The following TENM4 variants were observed in gnomAD, a reference collection of about 807,000 sequenced individuals.
The protein encoded by TENM4 is teneurin transmembrane protein 4.
A neutral mutation model predicts 243.3 loss-of-function variants in TENM4; 82 were observed. The observed-to-expected ratio is 0.34, with a 90% CI of 0.28 to 0.40. The LOEUF (loss-of-function observed/expected upper bound fraction) is 0.40, where lower values mean the gene tolerates loss of function less well. TENM4 is among the 10% of genes least tolerant of loss of function. TENM4 has a pLI of 1.00. For missense variants in TENM4, 3,138 were observed against 3,673.3 expected (o/e 0.85, Z 3.77); for synonymous variants, 1,412 against 1,456.3 (o/e 0.97, Z 0.69).
intron 1 of TENM4, among the ~76,000 whole-genome samples, chr11:79,400,943 C>G (rs141342084): frequency 6.6e-5 from 10 of 152,210 alleles, no homozygotes; most frequent in Non-Finnish European, 1.3e-4. Flanking sequence ...CTGCCCAAGT[C>G]AGACTTGGGA....
intron 2 of TENM4, among the ~76,000 whole-genome samples, chr11:79,265,153 T>G (rs1416158634): frequency 6.6e-6 from 1 of 152,208 alleles, no homozygotes; most frequent in East Asian, 1.9e-4. Flanking sequence ...TCCTTTTAGA[T>G]GGCTAGCTCA....
intron 13 of TENM4, among the ~76,000 whole-genome samples, chr11:78,813,392 C>T (rs1225137696): frequency 1.3e-5 from 2 of 152,146 alleles, no homozygotes; most frequent in Non-Finnish European, 2.9e-5. Flanking sequence ...ATAGAAGCTC[C>T]CTGTATTTAA....
intron 4 of TENM4, among the ~76,000 whole-genome samples, chr11:79,118,799 C>T (rs1038017046): frequency 6.6e-6 from 1 of 152,178 alleles, no homozygotes; most frequent in Non-Finnish European, 1.5e-5. Flanking sequence ...TTGATCCATT[C>T]ATCTGCCAAT....
intron 3 of TENM4, among the ~76,000 whole-genome samples, chr11:79,198,052 C>T (rs1031765429): frequency 6.6e-6 from 1 of 152,172 alleles, no homozygotes; most frequent in Non-Finnish European, 1.5e-5. Flanking sequence ...CATCAACCAC[C>T]TAACAGGCAT....
intron 1 of TENM4, among the ~76,000 whole-genome samples, chr11:79,305,143 G>A (rs1174369360): frequency 6.6e-6 from 1 of 152,242 alleles, no homozygotes; most frequent in African/African-American, 2.4e-5. Flanking sequence ...GCTGGGAAGA[G>A]TGAAAAGAGC....
chr11:79,226,173 T>A (rs753382661), intron 2 of TENM4, among the ~76,000 whole-genome samples: 16 of 152,226 alleles, frequency 1.1e-4, no homozygotes, highest in African/African-American at 3.6e-4. Flanking sequence ...CACAACTGCA[T>A]GCCTGGCCCC....
chr11:78,720,455 C>G (rs1330921846), intron 24 of TENM4, 65 bp from the exon 25 acceptor site: 2 of 1,572,420 alleles, frequency 1.3e-6, no homozygotes, highest in African/African-American at 2.7e-5. Context: ...GGGTTAGAAG[C>G]ATTATTAGCA....
intron 12 of TENM4, among the ~76,000 whole-genome samples, chr11:78,816,213 T>A (rs1565391515): frequency 1.3e-5 from 2 of 152,226 alleles, no homozygotes; most frequent in Admixed American, 1.3e-4. Context: ...TCCTTAAATC[T>A]CTATATAAAC....
chr11:79,015,231 G>A (rs973691111), intron 6 of TENM4, among the ~76,000 whole-genome samples: 1 of 152,192 alleles, frequency 6.6e-6, no homozygotes, highest in Non-Finnish European at 1.5e-5. Flanking sequence ...TCATTGTAGG[G>A]ATGAAGAATT....
intron 1 of TENM4, among the ~76,000 whole-genome samples, chr11:79,382,260 A>G (rs1265763572): frequency 6.6e-6 from 1 of 152,168 alleles, no homozygotes; most frequent in East Asian, 1.9e-4. Flanking sequence ...TGGCCGTGCC[A>G]GAGGGTTCTC....
At chr11:78,799,164 A>G (rs1857228635) in intron 15 of TENM4, among the ~76,000 whole-genome samples, 1 of 152,082 alleles carries the variant, frequency 6.6e-6, no homozygotes, top group African/African-American at 2.4e-5. Context: ...GAGGAGGCTG[A>G]CCCTAACTCC....
chr11:79,027,049 T>TTTAAGGGG (rs1859099223), intron 6 of TENM4, among the ~76,000 whole-genome samples: 1 of 152,168 alleles, frequency 6.6e-6, no homozygotes, highest in Non-Finnish European at 1.5e-5. Flanking sequence ...CCATGTGTAA[T>TTTAAGGGG]TTAAGGGGTT....
At chr11:79,010,086 TA>T (rs1253437746) in intron 6 of TENM4, among the ~76,000 whole-genome samples, 3 of 152,158 alleles carry the variant, frequency 2.0e-5, no homozygotes, top group African/African-American at 7.2e-5. Context: ...TCCCCAGCCA[TA>T]TGGAACTGTG....
chr11:79,231,311 T>A (rs536561121), intron 2 of TENM4, among the ~76,000 whole-genome samples: 1 of 152,158 alleles, frequency 6.6e-6, no homozygotes, highest in South Asian at 2.1e-4. Context: ...ATGGAAATAA[T>A]GTTCAGTTTC....
chr11:78,922,033 T>A (rs1036610558), intron 6 of TENM4, among the ~76,000 whole-genome samples: 1 of 152,198 alleles, frequency 6.6e-6, no homozygotes, highest in Non-Finnish European at 1.5e-5. Flanking sequence ...GCACCCAGGC[T>A]GTATATTGAA....
intron 3 of TENM4, among the ~76,000 whole-genome samples, chr11:79,152,938 T>C (rs1862538516): frequency 6.6e-6 from 1 of 152,266 alleles, no homozygotes; most frequent in South Asian, 2.1e-4. Flanking sequence ...AGGTATACAC[T>C]GAACAAAACA....
intron 1 of TENM4, among the ~76,000 whole-genome samples, chr11:79,380,415 G>A (rs1857977156): frequency 6.6e-6 from 1 of 152,118 alleles, no homozygotes; most frequent in Admixed American, 6.5e-5. Context: ...GACTGGGGTG[G>A]TATCATGGGA....
At chr11:78,840,759 TA>T (rs1418615056) in intron 12 of TENM4, among the ~76,000 whole-genome samples, 2 of 151,844 alleles carry the variant, frequency 1.3e-5, no homozygotes, top group Non-Finnish European at 2.9e-5. Context: ...AACACGGGGG[TA>T]CTAAGGAACT....
chr11:79,111,502 G>T (rs1039444385), intron 4 of TENM4, among the ~76,000 whole-genome samples: 1 of 152,132 alleles, frequency 6.6e-6, no homozygotes, highest in Non-Finnish European at 1.5e-5. Flanking sequence ...CCGAGATGGC[G>T]CTGCTGCACT....
Sources: gnomAD v4.1 joint callset for allele counts (sites outside exome capture counted in the v4.1 genomes callset) on GRCh38, gnomAD v4.1.1 for gene constraint, MANE v1.5 for transcripts, NCBI Gene and HGNC (gene_info 2026-07-23, HGNC 2026-07-21) for gene names.